Variants in KATNAL2 observed in about 807,000 individuals in gnomAD.
KATNAL2 encodes katanin catalytic subunit A1 like 2.
A neutral mutation model predicts 76.3 loss-of-function variants in KATNAL2; 52 were observed. The ratio of observed to expected loss-of-function variants is 0.68; its 90% CI spans 0.55 to 0.86. KATNAL2 has a LOEUF of 0.86. Ranked by LOEUF, KATNAL2 falls within the 40% of genes least tolerant of loss-of-function variation. The pLI is 0.00. For synonymous variants in KATNAL2, 243 were observed against 244.2 expected (o/e 1.00, Z 0.05); for missense variants, 660 against 668.9 (o/e 0.99, Z 0.15).
Position 46,945,016 on chromosome 18 carries a change from C to T in KATNAL2, c.-509-1041C>T, listed in dbSNP as rs537363911. On this transcript the variant is annotated intron_variant, in intron 1 of 17. Transcript: ENST00000683218. ...TGGCATTTCACATAAGGATCCCCAA[C>T]TTTGGTATCAGTGGGAACCATAGAA... Among the ~76,000 whole-genome samples the T allele has an allele frequency of 5.9e-5, 9 of 152,332 alleles. No individual in the cohort carries two copies. The South Asian group carries it at 1.9e-3, about 32-fold the overall frequency.
At chr18:47,066,910 T>C (rs2061832454) in intron 10 of KATNAL2, 111 bp from the exon 11 acceptor site, 1 of 187,716 alleles carries the variant, frequency 5.3e-6, no homozygotes, top group Non-Finnish European at 1.0e-5. Flanking sequence ...ACAGTTTTTA[T>C]CACCAGCACT....
At chr18:46,951,147 A>T (rs928579191) in intron 3 of KATNAL2, among the ~76,000 whole-genome samples, 15 of 152,188 alleles carry the variant, frequency 9.9e-5, no homozygotes, top group African/African-American at 3.6e-4. Flanking sequence ...GAGAAATTCT[A>T]TCATAATTTT....
intron 15 of KATNAL2, among the ~76,000 whole-genome samples, chr18:47,096,292 AGT>A (rs2063232219): frequency 1.3e-5 from 2 of 152,224 alleles, no homozygotes; most frequent in African/African-American, 2.4e-5. Flanking sequence ...TGTTTTTATG[AGT>A]GAGAAATACC....
intron 6 of KATNAL2, 68 bp downstream of exon 6, chr18:47,054,506 C>T (rs936556677): frequency 5.5e-6 from 8 of 1,455,126 alleles, no homozygotes; most frequent in Non-Finnish European, 7.7e-6. Flanking sequence ...TTTCCAGAAG[C>T]TTTACCATCA....
At position 47,051,699 on chromosome 18, in the gene KATNAL2, C is replaced by G. The variant is rs892651752; in HGVS notation, c.123-1181C>G. 2.6e-5 allele frequency among the ~76,000 whole-genome samples: 4 copies of G among 152,290 alleles called. No homozygotes were observed. In the South Asian group the frequency reaches 6.2e-4, roughly 24 times the overall value. ...AGAGTCAACTGACTGTGGTTTGCAG[C>G]TTCTTTAAAATTAGCTTAGGAGAGA... On this transcript the variant is annotated intron_variant, in intron 4 of 17. Coordinates refer to ENST00000683218, the MANE Select transcript of KATNAL2 (RefSeq NM_001387690.1).
chr18:47,033,188 C>A (rs1167013192), intron 3 of KATNAL2: 2 of 1,614,018 alleles, frequency 1.2e-6, no homozygotes, highest in African/African-American at 1.3e-5. Flanking sequence ...TCTCTGCCAC[C>A]GCCGCTGCTG....
At chr18:47,035,298 C>T (rs749400801) in intron 3 of KATNAL2, 15 of 1,611,488 alleles carry the variant, frequency 9.3e-6, no homozygotes, top group Non-Finnish European at 1.2e-5. Context: ...GCTGTCCCGG[C>T]GGTCGCAGCT....
rs551380887 is a variant in KATNAL2 at position 46,961,654 on chromosome 18, G to C, written c.51+14731G>C. On this transcript the variant is annotated intron_variant, in intron 3 of 17. Transcript: ENST00000683218. ...CTATACAGGCATATGTGCCAACGTT[G>C]TCACATCCCTGACCATATTTTTGAC... is the stretch of plus-strand genomic sequence containing the variant. Among the ~76,000 whole-genome samples the C allele has an allele frequency of 3.9e-5, 6 of 152,274 alleles. No homozygotes were observed. The South Asian group carries it at 8.3e-4, about 21-fold the overall frequency.
At chr18:47,058,830 G>A (rs2061544326) in intron 7 of KATNAL2, among the ~76,000 whole-genome samples, 1 of 152,074 alleles carries the variant, frequency 6.6e-6, no homozygotes, top group Non-Finnish European at 1.5e-5. Flanking sequence ...CCTCCAAATC[G>A]CACATGGTCA....
intron 3 of KATNAL2, among the ~76,000 whole-genome samples, chr18:47,040,903 C>T (rs970205153): frequency 9.2e-5 from 14 of 152,122 alleles, no homozygotes; most frequent in African/African-American, 3.4e-4. Context: ...GGTCATTAAT[C>T]TATATTGAAT....
chr18:47,100,270 C>A lies in KATNAL2; in HGVS notation c.1391C>A (p.Ser464Ter). 2 of 1,614,022 alleles carry A rather than the reference C, an allele frequency of 1.2e-6. No homozygotes were observed. Among genetic ancestry groups the A allele is most frequent in the South Asian group, 1.1e-5 (1 of 91,054 alleles). ...SVLSQETEGY[S>*]GSDIKLVCRE... ...CTGTTTCAGGAGACTGAGGGCTACTCAGGCTCAGATATTAAGCTCGTCTGC... is the reference window on the plus strand; with the variant it reads ...CTGTTTCAGGAGACTGAGGGCTACTAAGGCTCAGATATTAAGCTCGTCTGC... Residue 464 changes from serine to a stop codon, truncating the protein, a stop_gained, in exon 17 of 18, where the codon TCA becomes TAA. Coordinates refer to ENST00000683218, the MANE Select transcript of KATNAL2 (RefSeq NM_001387690.1). LOFTEE classifies it high-confidence loss of function.
At chr18:47,060,647 C>A (rs924032242) in intron 8 of KATNAL2, among the ~76,000 whole-genome samples, 1 of 152,186 alleles carries the variant, frequency 6.6e-6, no homozygotes, top group Non-Finnish European at 1.5e-5. Context: ...AGTGCTCAAA[C>A]CTCTGGAGTG....
intron 1 of KATNAL2, among the ~76,000 whole-genome samples, chr18:46,931,032 G>A (rs1046827184): frequency 2.6e-5 from 4 of 151,568 alleles, no homozygotes; most frequent in East Asian, 1.9e-4. Context: ...CCCAGGATGC[G>A]GAGGTTTCAG....
At chr18:47,100,204 C>A in intron 16 of KATNAL2, 50 bp from the exon 17 acceptor site, 1 of 1,327,658 alleles carries the variant, frequency 7.5e-7, no homozygotes, top group Non-Finnish European at 1.1e-6. Flanking sequence ...AACGTAATGG[C>A]CAGGAGCATT....
chr18:46,945,820 T>A (rs191607460), intron 1 of KATNAL2, among the ~76,000 whole-genome samples: 2 of 152,332 alleles, frequency 1.3e-5, no homozygotes, highest in African/African-American at 4.8e-5. Context: ...TTTCACATGG[T>A]GCCAAGTTGG....
At chr18:47,091,602 A>G (rs1035852168) in intron 15 of KATNAL2, among the ~76,000 whole-genome samples, 1 of 152,168 alleles carries the variant, frequency 6.6e-6, no homozygotes, top group Non-Finnish European at 1.5e-5. Flanking sequence ...AAGTGCATTC[A>G]TCAGGCCTGG....
intron 1 of KATNAL2, among the ~76,000 whole-genome samples, chr18:46,931,551 A>ACC (rs1440724050): frequency 2.0e-5 from 3 of 151,218 alleles, no homozygotes; most frequent in African/African-American, 7.3e-5. Context: ...TACTCAGGAG[A>ACC]CTGAGGCAGG....
chr18:46,965,317 A>G (rs2060085098), intron 3 of KATNAL2, among the ~76,000 whole-genome samples: 1 of 117,344 alleles, frequency 8.5e-6, no homozygotes. Flanking sequence ...TTTCCAAGAC[A>G]AGGAAACAAA....
chr18:46,946,630 A>G (rs1330850961), intron 2 of KATNAL2, 84 bp downstream of exon 2: 4 of 895,730 alleles, frequency 4.5e-6, no homozygotes, highest in Non-Finnish European at 4.0e-6. Context: ...TGCTCTAACA[A>G]TCTTCCCTCT....
Sources: allele counts gnomAD v4.1 joint callset (sites outside exome capture counted in the v4.1 genomes callset), GRCh38; gene constraint gnomAD v4.1.1; transcripts MANE v1.5; gene names NCBI Gene and HGNC (gene_info 2026-07-23, HGNC 2026-07-21).